OXCT1: variants seen among roughly 807,000 people sequenced by gnomAD.
OXCT1 encodes 3-oxoacid CoA-transferase 1.
A neutral mutation model predicts 69.6 loss-of-function variants in OXCT1; 27 were observed. The observed-to-expected ratio is 0.39, with a 90% CI of 0.29 to 0.54. OXCT1 has a LOEUF of 0.54. OXCT1 is among the 20% of genes least tolerant of loss of function. The pLI is 0.72. For missense variants in OXCT1, 437 were observed against 650.2 expected (o/e 0.67, Z 3.57); for synonymous variants, 202 against 217.8 (o/e 0.93, Z 0.64).
chr5:41,805,928 C>G (rs1746657108), intron 8 of OXCT1, among the ~76,000 whole-genome samples: 1 of 152,020 alleles, frequency 6.6e-6, no homozygotes, highest in African/African-American at 2.4e-5. Flanking sequence ...CTGTTTGAAG[C>G]AAATAATCTG....
chr5:41,766,568 C>CAAAAAA (rs35725846), intron 13 of OXCT1, among the ~76,000 whole-genome samples: 2 of 120,026 alleles, frequency 1.7e-5, no homozygotes, highest in Non-Finnish European at 3.6e-5. Context: ...CATTGTACTC[C>CAAAAAA]AAAAAAAAAA....
intron 7 of OXCT1, among the ~76,000 whole-genome samples, chr5:41,814,731 G>T (rs1228412112): frequency 8.2e-6 from 1 of 121,538 alleles, no homozygotes; most frequent in Admixed American, 9.0e-5. Context: ...GTTGTGGGGT[G>T]GGGGGAGGGG....
chr5:41,849,263 CCT>C (rs1749069529), intron 5 of OXCT1, among the ~76,000 whole-genome samples: 1 of 152,262 alleles, frequency 6.6e-6, no homozygotes, highest in African/African-American at 2.4e-5. Flanking sequence ...TAAGAGATCC[CCT>C]GATTTACTAC....
intron 9 of OXCT1, among the ~76,000 whole-genome samples, chr5:41,804,741 C>A (rs1304735614): frequency 6.6e-6 from 1 of 152,076 alleles, no homozygotes; most frequent in Non-Finnish European, 1.5e-5. Flanking sequence ...AAGAAAAGTT[C>A]TCCCAGTCAA....
rs148520663 is a variant in OXCT1, at chr5:41,770,379, T to C, written c.1249-8179A>G. Among the ~76,000 whole-genome samples, 757 of 152,306 alleles carry C rather than the reference T, an allele frequency of 5.0e-3. 5 individuals carry two copies. Among genetic ancestry groups the C allele is most frequent in the African/African-American group, 0.017 (718 of 41,570 alleles). ...ATATGGTGTCCTTCAAAATTGACCC[T>C]ACTAAGGACATTTTTTAAATATCTT... On this transcript the variant is annotated intron_variant, in intron 13 of 16. Coordinates refer to ENST00000196371, the MANE Select transcript of OXCT1 (RefSeq NM_000436.4).
intron 13 of OXCT1, among the ~76,000 whole-genome samples, chr5:41,785,339 G>T (rs1745591900): frequency 6.6e-6 from 1 of 152,202 alleles, no homozygotes; most frequent in South Asian, 2.1e-4. Flanking sequence ...AGGGGGAACT[G>T]CCTAGAGGTA....
chr5:41,848,258 A>C (rs1579871669), intron 5 of OXCT1, among the ~76,000 whole-genome samples: 4 of 152,074 alleles, frequency 2.6e-5, no homozygotes, highest in African/African-American at 9.6e-5. Context: ...GAGAACTACA[A>C]ACCACTGCTC....
At chr5:41,740,705 G>C (rs1296584025) in intron 15 of OXCT1, among the ~76,000 whole-genome samples, 3 of 152,162 alleles carry the variant, frequency 2.0e-5, no homozygotes, top group Admixed American at 2.0e-4. Context: ...TACTTGCAGT[G>C]GCAGGAGGCT....
chr5:41,826,730 A>G (rs1340583069), intron 7 of OXCT1, among the ~76,000 whole-genome samples: 2 of 152,136 alleles, frequency 1.3e-5, no homozygotes. Flanking sequence ...CCCTAACTCA[A>G]GTATTTGTGA....
At chr5:41,858,131 G>A (rs183211327) in intron 3 of OXCT1, among the ~76,000 whole-genome samples, 4 of 152,180 alleles carry the variant, frequency 2.6e-5, no homozygotes, top group African/African-American at 9.6e-5. Flanking sequence ...CTAGTATCCT[G>A]GCATAGCAAT....
intron 16 of OXCT1, among the ~76,000 whole-genome samples, chr5:41,733,597 A>T (rs1742746801): frequency 6.6e-6 from 1 of 152,208 alleles, no homozygotes; most frequent in Admixed American, 6.5e-5. Flanking sequence ...GATGCTTCAT[A>T]GCACTTCCTT....
At chr5:41,777,098 T>C (rs747295798) in intron 13 of OXCT1, among the ~76,000 whole-genome samples, 50 of 152,270 alleles carry the variant, frequency 3.3e-4, no homozygotes, top group African/African-American at 5.3e-4. Flanking sequence ...TAAAATGTGC[T>C]TGTAGAATGT....
chr5:41,823,823 A>C (rs1747679268), intron 7 of OXCT1, among the ~76,000 whole-genome samples: 1 of 152,194 alleles, frequency 6.6e-6, no homozygotes, highest in Non-Finnish European at 1.5e-5. Context: ...GGGGGGAAAA[A>C]AACATTCTGT....
At chr5:41,749,167 A>G in intron 15 of OXCT1, among the ~76,000 whole-genome samples, 1 of 152,140 alleles carries the variant, frequency 6.6e-6, no homozygotes, top group Non-Finnish European at 1.5e-5. Context: ...CTTAAAATCC[A>G]AAAATTTCTA....
At chr5:41,864,858 A>C (rs1749892579) in intron 1 of OXCT1, among the ~76,000 whole-genome samples, 2 of 152,180 alleles carry the variant, frequency 1.3e-5, no homozygotes, top group Admixed American at 1.3e-4. Context: ...CTCTGCTGTC[A>C]TTACCTCCAC....
intron 3 of OXCT1, among the ~76,000 whole-genome samples, chr5:41,856,917 T>A (rs967021796): frequency 3.3e-5 from 5 of 152,104 alleles, no homozygotes; most frequent in African/African-American, 1.2e-4. Context: ...CCTTCTGAGT[T>A]TTTAACCTAC....
At position 41,870,265 on chromosome 5, in the gene OXCT1, T is replaced by C; in HGVS notation, c.78+16A>G. 6.2e-7 allele frequency: 1 copy of C among 1,607,942 alleles called. No homozygotes were observed. Among genetic ancestry groups the C allele is most frequent in the Non-Finnish European group, 8.5e-7 (1 of 1,174,738 alleles). On this transcript the variant is annotated intron_variant, in intron 1 of 16. Transcript: ENST00000196371. The surrounding 1 kb of genome is among the most constrained non-coding windows in gnomAD (Gnocchi z 4.2). ...GTTCTTCCTGCCCATGGCCTTCCTC[T>C]TCCCCCGCACTTTACCTTGTACCAG...
At chr5:41,805,389 A>T (rs907929159) in intron 9 of OXCT1, among the ~76,000 whole-genome samples, 178 bp downstream of exon 9, 3 of 151,816 alleles carry the variant, frequency 2.0e-5, no homozygotes, top group Non-Finnish European at 1.5e-5. Context: ...TCTGTCATGT[A>T]TCTTGACACC....
At chr5:41,771,437 T>G (rs1195882066) in intron 13 of OXCT1, among the ~76,000 whole-genome samples, 2 of 152,192 alleles carry the variant, frequency 1.3e-5, no homozygotes, top group Admixed American at 1.3e-4. Flanking sequence ...TTAAGGCACT[T>G]TGGATTGGTT....
Sources: gnomAD v4.1 joint callset for allele counts (sites outside exome capture counted in the v4.1 genomes callset) on GRCh38, gnomAD v4.1.1 for gene constraint, Gnocchi (gnomAD v3.1) non-coding constraint, MANE v1.5 for transcripts, NCBI Gene and HGNC (gene_info 2026-07-23, HGNC 2026-07-21) for gene names.